The following AKT3 variants were observed in gnomAD, a reference collection of about 807,000 sequenced individuals.
The protein encoded by AKT3 is RAC-gamma serine/threonine-protein kinase.
In AKT3, 15 loss-of-function variants were observed where a neutral mutation model predicts 65.3. The ratio of observed to expected loss-of-function variants is 0.23; its 90% confidence interval spans 0.15 to 0.35. The LOEUF is 0.35. Among genes scored for constraint, AKT3 ranks in the 10% least tolerant of loss-of-function variants. The pLI is 1.00. For missense variants in AKT3, 243 were observed against 576.5 expected (o/e 0.42, Z 5.92); for synonymous variants, 206 against 183.8 (o/e 1.12, Z -0.98).
chr1:243,845,609 G>GAA (rs1310765791), intron 1 of AKT3, among the ~76,000 whole-genome samples: 1 of 100,772 alleles, frequency 9.9e-6, no homozygotes, highest in Non-Finnish European at 2.2e-5. Context: ...AAAAAGAAAA[G>GAA]AAAAGAAAAA....
downstream of AKT3, among the ~76,000 whole-genome samples, chr1:243,496,947 G>A (rs1200904699): frequency 1.3e-5 from 2 of 152,226 alleles, no homozygotes; most frequent in African/African-American, 2.4e-5. Flanking sequence ...AGTGGCCAGG[G>A]CGCCCTGTCG....
chr1:243,779,376 T>C (rs1396608804), intron 2 of AKT3, among the ~76,000 whole-genome samples: 1 of 152,062 alleles, frequency 6.6e-6, no homozygotes, highest in African/African-American at 2.4e-5. Flanking sequence ...TGACAATGCC[T>C]GGTTTTCCAG....
At chr1:243,552,008 G>C (rs897645589) in intron 11 of AKT3, among the ~76,000 whole-genome samples, 17 of 152,074 alleles carry the variant, frequency 1.1e-4, no homozygotes, top group African/African-American at 4.1e-4. Flanking sequence ...AGCAGTTAGA[G>C]GCCGGGTGCG....
At chr1:243,815,115 G>T (rs1321146318) in intron 2 of AKT3, among the ~76,000 whole-genome samples, 2 of 152,076 alleles carry the variant, frequency 1.3e-5, no homozygotes, top group Non-Finnish European at 2.9e-5. Context: ...CTTAATTTTA[G>T]TATCAATGAT....
intron 2 of AKT3, among the ~76,000 whole-genome samples, chr1:243,713,744 A>AGT (rs1686303392): frequency 1.3e-5 from 1 of 74,234 alleles, no homozygotes; most frequent in Non-Finnish European, 2.9e-5. Flanking sequence ...GCTTTGCCTT[A>AGT]ATAAAAAAAA....
chr1:243,804,487 C>G (rs1692593910), intron 2 of AKT3, among the ~76,000 whole-genome samples: 1 of 152,110 alleles, frequency 6.6e-6, no homozygotes, highest in Non-Finnish European at 1.5e-5. Flanking sequence ...AAATGCATTA[C>G]CTCACATAGT....
At chr1:243,818,074 G>C (rs1693632159) in intron 2 of AKT3, 1 of 152,270 alleles carries the variant, frequency 6.6e-6, no homozygotes, top group East Asian at 1.9e-4. Context: ...TACGAAGTAG[G>C]ATTGAGAGCA....
chr1:243,655,211 T>C (rs548826145), intron 4 of AKT3, among the ~76,000 whole-genome samples: 1 of 152,258 alleles, frequency 6.6e-6, no homozygotes, highest in South Asian at 2.1e-4. Context: ...TGAGGTCTAG[T>C]TTGCTATTAA....
At chr1:243,666,732 T>C (rs1682807552) in intron 3 of AKT3, among the ~76,000 whole-genome samples, 1 of 152,208 alleles carries the variant, frequency 6.6e-6, no homozygotes, top group African/African-American at 2.4e-5. Flanking sequence ...TTAATACACC[T>C]AGACTACCCA....
chr1:243,525,300 A>T (rs1670971452), intron 12 of AKT3, among the ~76,000 whole-genome samples: 1 of 152,140 alleles, frequency 6.6e-6, no homozygotes, highest in Admixed American at 6.6e-5. Flanking sequence ...GCTGCAACCT[A>T]ACCGAATTCA....
chr1:243,648,757 T>G (rs981161552), intron 4 of AKT3, among the ~76,000 whole-genome samples: 1 of 152,182 alleles, frequency 6.6e-6, no homozygotes, highest in Non-Finnish European at 1.5e-5. Context: ...TTCATTGATA[T>G]TGGGTTTTCT....
At chr1:243,748,118 T>A (rs1172298259) in intron 2 of AKT3, among the ~76,000 whole-genome samples, 1 of 152,200 alleles carries the variant, frequency 6.6e-6, no homozygotes, top group Non-Finnish European at 1.5e-5. Context: ...TGCCTGGGTA[T>A]TGTTTATATG....
chr1:243,551,485 A>G (rs1168673433), intron 11 of AKT3, among the ~76,000 whole-genome samples: 1 of 152,102 alleles, frequency 6.6e-6, no homozygotes, highest in African/African-American at 2.4e-5. Flanking sequence ...CAAGGTTAAA[A>G]GCTAGAAGAA....
intron 12 of AKT3, among the ~76,000 whole-genome samples, chr1:243,541,649 C>T (rs756700469): frequency 1.3e-5 from 2 of 152,076 alleles, no homozygotes; most frequent in African/African-American, 2.4e-5. Flanking sequence ...AGACTAGAAA[C>T]AAAGTCAGGA....
intron 2 of AKT3, among the ~76,000 whole-genome samples, chr1:243,781,086 A>T (rs558019882): frequency 1.3e-5 from 2 of 152,262 alleles, no homozygotes; most frequent in African/African-American, 4.8e-5. Flanking sequence ...ACTACTGTTA[A>T]TAGAGCTATA....
chr1:243,626,003 T>A (rs7528450), intron 6 of AKT3, among the ~76,000 whole-genome samples: 76,649 of 152,106 alleles, frequency 0.5, 23,314 homozygotes, highest in Non-Finnish European at 0.67. Flanking sequence ...ATAGATGACA[T>A]AGCTGGTAAG....
chr1:243,547,121 A>G (rs956683710), intron 11 of AKT3, among the ~76,000 whole-genome samples: 1 of 152,114 alleles, frequency 6.6e-6, no homozygotes, highest in African/African-American at 2.4e-5. Flanking sequence ...CCCAACTCAT[A>G]GTATTTGCCA....
At chr1:243,576,759 A>C (rs948963363) in intron 8 of AKT3, among the ~76,000 whole-genome samples, 1 of 152,252 alleles carries the variant, frequency 6.6e-6, no homozygotes, top group African/African-American at 2.4e-5. Context: ...TTCCAGGCTA[A>C]TGAATATGAA....
rs927398056 is a variant in AKT3, at chr1:243,585,151, A to C, written c.697-12103T>G. Among the ~76,000 whole-genome samples, 11 of 152,016 alleles carry C rather than the reference A, an allele frequency of 7.2e-5. No individual in the cohort carries two copies. The South Asian group carries it at 8.3e-4, about 11-fold the overall frequency. ...ATCATTTACAATAGCCACACACACAAAAAAATCCAGGAATACATCTAACCA... is the reference window on the plus strand; with the variant it reads ...ATCATTTACAATAGCCACACACACACAAAAATCCAGGAATACATCTAACCA... On this transcript the variant is annotated intron_variant, in intron 8 of 13. Coordinates refer to ENST00000673466, the MANE Select transcript of AKT3 (RefSeq NM_005465.7).
Sources: gnomAD v4.1 joint callset for allele counts (sites outside exome capture counted in the v4.1 genomes callset) on GRCh38, gnomAD v4.1.1 for gene constraint, MANE v1.5 for transcripts, NCBI Gene and HGNC (gene_info 2026-07-23, HGNC 2026-07-21) for gene names.